MMP26: variants seen among roughly 807,000 people sequenced by gnomAD.
The protein encoded by MMP26 is matrix metallopeptidase 26.
In MMP26, 33 loss-of-function variants were observed where a neutral mutation model predicts 31.0. The ratio of observed to expected loss-of-function variants is 1.06; its 90% CI spans 0.81 to 1.42. MMP26 has a LOEUF of 1.42. Ranked by LOEUF, MMP26 falls within the 40% of genes most tolerant of loss-of-function variation. MMP26 has a pLI of 0.00. For missense variants in MMP26, 347 were observed against 316.1 expected, an observed-to-expected ratio of 1.10 and a Z score of -0.74; for synonymous variants, 122 against 114.9, an observed-to-expected ratio of 1.06 and a Z score of -0.40.
At chr11:4,729,754 C>G (rs1287183690) in intron 1 of MMP26, among the ~76,000 whole-genome samples, 1 of 151,870 alleles carries the variant, frequency 6.6e-6, no homozygotes, top group Non-Finnish European at 1.5e-5. Flanking sequence ...ACATAACTTT[C>G]CTTTTCTCTG....
At chr11:4,978,787 G>A (rs978875885) in intron 2 of MMP26, among the ~76,000 whole-genome samples, 13 of 152,034 alleles carry the variant, frequency 8.6e-5, no homozygotes, top group African/African-American at 1.4e-4. Flanking sequence ...AAAGGATTAC[G>A]TTGTTAGGGT....
At chr11:4,957,180 AT>A (rs1171442952) in intron 2 of MMP26, among the ~76,000 whole-genome samples, 1 of 152,190 alleles carries the variant, frequency 6.6e-6, no homozygotes, top group Non-Finnish European at 1.5e-5. Flanking sequence ...GTAAAAGGCA[AT>A]TTTTAAATTA....
At chr11:4,790,094 C>T (rs1383862685) in intron 2 of MMP26, among the ~76,000 whole-genome samples, 1 of 152,054 alleles carries the variant, frequency 6.6e-6, no homozygotes, top group Admixed American at 6.5e-5. Flanking sequence ...GTAATCCCAG[C>T]ACTTTGGGAG....
chr11:4,923,552 A>C (rs368891376), intron 2 of MMP26: 1 of 1,614,164 alleles, frequency 6.2e-7, no homozygotes, highest in Non-Finnish European at 8.5e-7. Flanking sequence ...AAAGCGATGC[A>C]CAAGAGACAA....
At chr11:4,913,373 C>T (rs1201524317) in intron 2 of MMP26, 1 of 152,142 alleles carries the variant, frequency 6.6e-6, no homozygotes, top group Non-Finnish European at 1.5e-5. Flanking sequence ...TGTGTTCAGC[C>T]ACACCCTTTC....
chr11:4,970,314 T>C (rs2133630044), intron 2 of MMP26, among the ~76,000 whole-genome samples: 1 of 152,378 alleles, frequency 6.6e-6, no homozygotes, highest in South Asian at 2.1e-4. Context: ...TCTTTTGTTC[T>C]GATATATAAT....
At chr11:4,829,800 T>G (rs1849623306) in intron 2 of MMP26, among the ~76,000 whole-genome samples, 1 of 152,204 alleles carries the variant, frequency 6.6e-6, no homozygotes, top group Admixed American at 6.5e-5. Flanking sequence ...CCACCTCAAG[T>G]CTGCCTGTCT....
chr11:4,710,818 C>T, intron 1 of MMP26: 1 of 191,170 alleles, frequency 5.2e-6, no homozygotes, highest in Admixed American at 5.3e-5. Flanking sequence ...CTCACCACCT[C>T]TAGAGCATGT....
chr11:4,888,655 G>T (rs1850576281), intron 2 of MMP26, among the ~76,000 whole-genome samples: 1 of 152,046 alleles, frequency 6.6e-6, no homozygotes, highest in African/African-American at 2.4e-5. Context: ...AAAAAATTTG[G>T]TTTTTATTAA....
chr11:4,928,408 A>G (rs1279568035), intron 2 of MMP26, among the ~76,000 whole-genome samples: 1 of 152,170 alleles, frequency 6.6e-6, no homozygotes, highest in African/African-American at 2.4e-5. Context: ...TCAATTTCAT[A>G]TCTTCAAATG....
intron 2 of MMP26, among the ~76,000 whole-genome samples, chr11:4,778,142 G>A (rs943100497): frequency 2.0e-5 from 3 of 151,968 alleles, no homozygotes; most frequent in Non-Finnish European, 2.9e-5. Context: ...TTCTGTTTTT[G>A]TTTTATCCTT....
intron 1 of MMP26, chr11:4,711,609 A>G (rs1847863154): frequency 1.3e-5 from 2 of 152,182 alleles, no homozygotes; most frequent in East Asian, 1.9e-4. Flanking sequence ...GAATACACTC[A>G]TAAGATGACA....
chr11:4,798,071 G>A (rs1849131003), intron 2 of MMP26, among the ~76,000 whole-genome samples: 1 of 152,168 alleles, frequency 6.6e-6, no homozygotes, highest in South Asian at 2.1e-4. Flanking sequence ...AAATATTAGG[G>A]CTGGCATCTG....
intron 2 of MMP26, among the ~76,000 whole-genome samples, chr11:4,843,053 A>G (rs933474690): frequency 6.6e-6 from 1 of 152,198 alleles, no homozygotes; most frequent in Non-Finnish European, 1.5e-5. Context: ...ATGCTGATGC[A>G]AGGCGTGGCC....
intron 2 of MMP26, among the ~76,000 whole-genome samples, chr11:4,886,193 A>G (rs1297679413): frequency 1.3e-5 from 2 of 152,138 alleles, no homozygotes; most frequent in Non-Finnish European, 2.9e-5. Flanking sequence ...TTCCAGAAAT[A>G]TAAATTATTA....
At chr11:4,791,494 G>C (rs1849026331) in intron 2 of MMP26, among the ~76,000 whole-genome samples, 1 of 152,054 alleles carries the variant, frequency 6.6e-6, no homozygotes, top group Non-Finnish European at 1.5e-5. Context: ...GTGTACCCTA[G>C]GTCTAGTGCA....
chr11:4,891,869 G>T (rs1850628726), intron 2 of MMP26, among the ~76,000 whole-genome samples: 1 of 152,092 alleles, frequency 6.6e-6, no homozygotes, highest in African/African-American at 2.4e-5. Context: ...AAGTGGGTTG[G>T]TACTGCCTGG....
intron 2 of MMP26, among the ~76,000 whole-genome samples, chr11:4,860,855 C>T (rs1850143948): frequency 6.6e-6 from 1 of 151,808 alleles, no homozygotes. Flanking sequence ...TTGATATCTC[C>T]TTTGATATCT....
intron 2 of MMP26, among the ~76,000 whole-genome samples, chr11:4,986,958 TCC>T (rs1564819804): frequency 6.4e-4 from 90 of 140,698 alleles, no homozygotes; most frequent in African/African-American, 2.2e-3. Flanking sequence ...TCTCTCTCTC[TCC>T]CTCTCTCTCT....
Sources: allele counts gnomAD v4.1 joint callset (sites outside exome capture counted in the v4.1 genomes callset), GRCh38; gene constraint gnomAD v4.1.1; transcripts MANE v1.5; gene names NCBI Gene and HGNC (gene_info 2026-07-23, HGNC 2026-07-21).